SLC38A1: variants seen among roughly 807,000 people sequenced by gnomAD.
SLC38A1 encodes sodium-coupled neutral amino acid symporter 1.
A neutral mutation model predicts 60.3 loss-of-function variants in SLC38A1; 18 were observed. The ratio of observed to expected loss-of-function variants is 0.30; its 90% CI spans 0.21 to 0.44. The LOEUF (loss-of-function observed/expected upper bound fraction) is 0.44, where lower values mean the gene tolerates loss of function less well. Ranked by LOEUF, SLC38A1 falls within the 20% of genes least tolerant of loss-of-function variation. The pLI is 1.00. For synonymous variants in SLC38A1, 196 were observed against 212.1 expected, an observed-to-expected ratio of 0.92 and a Z score of 0.66; for missense variants, 448 against 587.2, an observed-to-expected ratio of 0.76 and a Z score of 2.45.
intron 5 of SLC38A1, among the ~76,000 whole-genome samples, chr12:46,226,903 A>T (rs1430578829): frequency 6.6e-6 from 1 of 152,196 alleles, no homozygotes; most frequent in Non-Finnish European, 1.5e-5. Context: ...TATAGGCATG[A>T]GCCACTGTGC....
intron 1 of SLC38A1, among the ~76,000 whole-genome samples, chr12:46,245,924 A>C (rs1366048651): frequency 6.6e-6 from 1 of 151,488 alleles, no homozygotes; most frequent in Non-Finnish European, 1.5e-5. Context: ...AGCATTGGTG[A>C]TTTTAGATTG....
At chr12:46,261,231 A>G (rs1045982653) in intron 1 of SLC38A1, among the ~76,000 whole-genome samples, 3 of 152,194 alleles carry the variant, frequency 2.0e-5, no homozygotes. Context: ...TCCAATGACC[A>G]ACGCAGGCAT....
Position 46,248,735 on chromosome 12 carries a change from A to G in SLC38A1, c.-208-5421T>C, listed in dbSNP as rs182198472. Among the ~76,000 whole-genome samples the G allele has an allele frequency of 1.2e-3, 186 of 152,334 alleles. 2 individuals carry two copies. The highest frequency in any genetic ancestry group is 4.0e-3 in the African/African-American group (166 of 41,568). On this transcript the variant is annotated intron_variant, in intron 1 of 16. Coordinates refer to ENST00000398637, the MANE Select transcript of SLC38A1 (RefSeq NM_030674.4). ...AAATATACATTCTTCTCAGCACTAC[A>G]TCGCACTTATTCCAAAACTGACCAC... is the stretch of plus-strand genomic sequence containing the variant.
At chr12:46,224,403 G>A (rs1380500063) in intron 5 of SLC38A1, among the ~76,000 whole-genome samples, 2 of 152,066 alleles carry the variant, frequency 1.3e-5, no homozygotes, top group Non-Finnish European at 2.9e-5. Flanking sequence ...GTGTTAAACA[G>A]GGATGACAGC....
At chr12:46,217,214 A>G (rs1309320898) in intron 5 of SLC38A1, among the ~76,000 whole-genome samples, 3 of 152,200 alleles carry the variant, frequency 2.0e-5, no homozygotes, top group African/African-American at 7.2e-5. Context: ...AAGGAGGTTA[A>G]GTATTTTGTC....
chr12:46,206,331 T>C (rs1310370994), intron 8 of SLC38A1, among the ~76,000 whole-genome samples, 169 bp from the exon 9 acceptor site: 1 of 152,058 alleles, frequency 6.6e-6, no homozygotes, highest in Non-Finnish European at 1.5e-5. Flanking sequence ...ACCCAGCCCC[T>C]ACTTATATAC....
chr12:46,194,267 T>A (rs1939270224), intron 16 of SLC38A1, among the ~76,000 whole-genome samples: 2 of 152,230 alleles, frequency 1.3e-5, no homozygotes. Flanking sequence ...TGGCCCCCAC[T>A]CCCTTCTGGC....
chr12:46,218,798 G>A (rs892103469), intron 5 of SLC38A1, among the ~76,000 whole-genome samples: 1 of 152,020 alleles, frequency 6.6e-6, no homozygotes, highest in African/African-American at 2.4e-5. Flanking sequence ...TTGGGAAGTG[G>A]GGAGTGATGA....
At chr12:46,233,875 T>G (rs967519265) in intron 3 of SLC38A1, among the ~76,000 whole-genome samples, 3 of 152,228 alleles carry the variant, frequency 2.0e-5, no homozygotes, top group African/African-American at 7.2e-5. Flanking sequence ...CACAAATTCC[T>G]CACCCTGCAA....
chr12:46,230,288 T>G (rs1941024887), intron 3 of SLC38A1, among the ~76,000 whole-genome samples: 1 of 152,066 alleles, frequency 6.6e-6, no homozygotes, highest in African/African-American at 2.4e-5. Flanking sequence ...AGGTAATAAG[T>G]GATGCAAACA....
At chr12:46,257,468 T>C (rs905158560) in intron 1 of SLC38A1, among the ~76,000 whole-genome samples, 9 of 152,160 alleles carry the variant, frequency 5.9e-5, no homozygotes, top group African/African-American at 1.7e-4. Flanking sequence ...CTCTCCTAAG[T>C]TGGGCCTCTA....
intron 1 of SLC38A1, among the ~76,000 whole-genome samples, chr12:46,255,815 C>G (rs1161505314): frequency 1.3e-5 from 2 of 152,112 alleles, no homozygotes; most frequent in Non-Finnish European, 2.9e-5. Context: ...TGTCCCTGGC[C>G]TTATCTAGAA....
chr12:46,247,460 T>C (rs1390147505), intron 1 of SLC38A1, among the ~76,000 whole-genome samples: 1 of 151,878 alleles, frequency 6.6e-6, no homozygotes, highest in African/African-American at 2.4e-5. Flanking sequence ...ATTAATGAAA[T>C]AAAGTGAGAA....
chr12:46,214,658 A>G (rs1395345904), intron 5 of SLC38A1, among the ~76,000 whole-genome samples: 4 of 152,348 alleles, frequency 2.6e-5, no homozygotes, highest in Admixed American at 2.0e-4. Flanking sequence ...TTTATTGTAT[A>G]TAAAGTATAC....
intron 3 of SLC38A1, chr12:46,239,175 T>G (rs148651758): frequency 6.6e-6 from 1 of 152,458 alleles, no homozygotes; most frequent in East Asian, 1.9e-4. Context: ...ACTTTCCTAT[T>G]TGCTTCATTT....
chr12:46,189,002 C>G lies in SLC38A1; in HGVS notation c.1432G>C (p.Ala478Pro). 1.9e-6 allele frequency: 3 copies of G among 1,613,520 alleles called. No homozygotes were observed. The highest frequency in any genetic ancestry group is 2.5e-6 in the Non-Finnish European group (3 of 1,179,786). Residue 478 changes from alanine (A) to proline (P), a missense_variant, in exon 17 of 17, where the codon GCC (alanine) becomes CCC (proline). Physicochemically the swap from Ala to Pro is conservative, Grantham distance 27. This residue lies in a region of SLC38A1 where 346 missense variants were observed against 497.5 expected (regional missense o/e 0.70). Coordinates refer to ENST00000398637, the MANE Select transcript of SLC38A1 (RefSeq NM_030674.4). Reference sequence around the variant, plus strand: ...CCTTCGTCACTACTCGATGAGCAGGCCCAGTCATAGATGACCAAGGGAATG... The same window carrying G: ...CCTTCGTCACTACTCGATGAGCAGGGCCAGTCATAGATGACCAAGGGAATG... ...VSIPLVIYDW[A>P]CSSSSDEGH
At chr12:46,200,551 TC>T (rs1404376362) in intron 13 of SLC38A1, among the ~76,000 whole-genome samples, 1 of 152,160 alleles carries the variant, frequency 6.6e-6, no homozygotes, top group Non-Finnish European at 1.5e-5. Flanking sequence ...AACTGTTCAT[TC>T]AGGGTCAGTA....
chr12:46,215,296 G>T (rs915014890), intron 5 of SLC38A1, among the ~76,000 whole-genome samples: 29 of 152,336 alleles, frequency 1.9e-4, no homozygotes, highest in African/African-American at 6.5e-4. Context: ...CCCAAGTAAG[G>T]TGACAGTGAC....
intron 12 of SLC38A1, among the ~76,000 whole-genome samples, chr12:46,202,725 C>A (rs1035958698): frequency 1.3e-5 from 2 of 152,148 alleles, no homozygotes; most frequent in African/African-American, 4.8e-5. Context: ...AAACTTTCCT[C>A]GGTGATACAA....
Sources: allele counts gnomAD v4.1 joint callset (sites outside exome capture counted in the v4.1 genomes callset), GRCh38; gene constraint gnomAD v4.1.1; regional missense constraint gnomAD v4.1.1; transcripts MANE v1.5; gene names NCBI Gene and HGNC (gene_info 2026-07-23, HGNC 2026-07-21).